SPAG17: variants seen among roughly 807,000 people sequenced by gnomAD.
The protein encoded by SPAG17 is sperm-associated antigen 17.
SPAG17 carries 169 observed loss-of-function variants against 273.6 expected under a neutral mutation model. That is an observed-to-expected ratio of 0.62 (90% confidence interval 0.55 to 0.70). The LOEUF (loss-of-function observed/expected upper bound fraction) is 0.70. Among genes scored for constraint, SPAG17 ranks in the 30% least tolerant of loss-of-function variants. The pLI, the probability that SPAG17 is intolerant of heterozygous loss-of-function variation, is 0.00. For synonymous variants in SPAG17, 825 were observed against 873.2 expected (o/e 0.94, Z 0.97); for missense variants, 2,557 against 2,627.8 (o/e 0.97, Z 0.59).
chr1:117,965,307 C>T (rs1334838981), intron 47 of SPAG17: 1 of 152,222 alleles, frequency 6.6e-6, no homozygotes, highest in Non-Finnish European at 1.5e-5. Context: ...CTGCTTTTGT[C>T]TCCACTGGCT....
At chr1:118,102,840 C>T (rs1309056182) in intron 4 of SPAG17, among the ~76,000 whole-genome samples, 1 of 152,124 alleles carries the variant, frequency 6.6e-6, no homozygotes. Flanking sequence ...GAATGTAACG[C>T]AGAAGGGGAG....
intron 3 of SPAG17, among the ~76,000 whole-genome samples, chr1:118,141,641 A>G (rs1399792594): frequency 6.6e-6 from 1 of 152,218 alleles, no homozygotes; most frequent in Non-Finnish European, 1.5e-5. Flanking sequence ...GTGACTGTGA[A>G]CAAATCATTT....
Position 118,051,915 on chromosome 1 carries a change from A to G in SPAG17, c.2814+2087T>C, listed in dbSNP as rs544845946. ...AATATAATATATAAACTATTATAAT[A>G]CATAAACTATTATAATATATATAAT... On this transcript the variant is annotated intron_variant, in intron 20 of 48. Transcript: ENST00000336338. Among the ~76,000 whole-genome samples the G allele has an allele frequency of 2.5e-3, 344 of 135,994 alleles. 14 individuals carry two copies. The highest frequency in any genetic ancestry group is 9.2e-3 in the African/African-American group (337 of 36,768). The allele number at this position is 135,994 out of a possible 152,430, so 89.2% of individuals were successfully genotyped here.
chr1:118,049,238 C>T (rs573154743), intron 20 of SPAG17, among the ~76,000 whole-genome samples: 4 of 152,284 alleles, frequency 2.6e-5, no homozygotes, highest in Admixed American at 6.5e-5. Context: ...CAACATTACC[C>T]TGATACCAAA....
intron 3 of SPAG17, among the ~76,000 whole-genome samples, chr1:118,132,952 T>C (rs1658137190): frequency 6.6e-6 from 1 of 152,066 alleles, no homozygotes; most frequent in Admixed American, 6.6e-5. Flanking sequence ...TTTGTATTTT[T>C]AGTAGAGATA....
At chr1:118,183,526 G>A (rs973321412) in intron 1 of SPAG17, among the ~76,000 whole-genome samples, 1 of 152,144 alleles carries the variant, frequency 6.6e-6, no homozygotes, top group Non-Finnish European at 1.5e-5. Flanking sequence ...ACTGTTTATA[G>A]TTAAAACTAC....
At chr1:118,034,040 C>A (rs1648787398) in intron 24 of SPAG17, among the ~76,000 whole-genome samples, 1 of 152,172 alleles carries the variant, frequency 6.6e-6, no homozygotes, top group African/African-American at 2.4e-5. Context: ...CAGCAAGTTG[C>A]TTGACCCACA....
chr1:118,012,404 G>A (rs995607993), intron 29 of SPAG17, 32 bp from the exon 30 acceptor site: 3 of 1,603,700 alleles, frequency 1.9e-6, no homozygotes, highest in South Asian at 1.1e-5. Context: ...ATAATCATTT[G>A]GCCACATGGT....
chr1:118,015,314 T>A (rs2101798523), intron 29 of SPAG17, among the ~76,000 whole-genome samples: 1 of 152,018 alleles, frequency 6.6e-6, no homozygotes, highest in East Asian at 1.9e-4. Context: ...GAAAGTGCTA[T>A]TGTTCATTCC....
intron 30 of SPAG17, among the ~76,000 whole-genome samples, chr1:118,012,003 A>G (rs1659520963): frequency 6.6e-6 from 1 of 152,062 alleles, no homozygotes; most frequent in African/African-American, 2.4e-5. Context: ...TTAAAAGAAT[A>G]AATTAAATTT....
intron 46 of SPAG17, among the ~76,000 whole-genome samples, chr1:117,968,980 C>T (rs2101478658): frequency 6.6e-6 from 1 of 152,226 alleles, no homozygotes; most frequent in Admixed American, 6.5e-5. Flanking sequence ...GCCCTGACCA[C>T]TTTAAATGGC....
At chr1:118,005,271 T>A (rs1398481548) in intron 32 of SPAG17, 143 bp downstream of exon 32, 2 of 595,904 alleles carry the variant, frequency 3.4e-6, no homozygotes, top group African/African-American at 3.8e-5. Flanking sequence ...TGACATTCAT[T>A]ACTGCTTGCC....
intron 11 of SPAG17, 35 bp from the exon 12 acceptor site, chr1:118,086,819 G>T: frequency 6.2e-7 from 1 of 1,613,994 alleles, no homozygotes; most frequent in Non-Finnish European, 8.5e-7. Context: ...TTTAAAGAGA[G>T]GATCTATACT....
intron 1 of SPAG17, among the ~76,000 whole-genome samples, chr1:118,153,950 G>A (rs552744761): frequency 6.6e-6 from 1 of 152,288 alleles, no homozygotes; most frequent in East Asian, 1.9e-4. Flanking sequence ...AAGGATCAAA[G>A]AGGTTAAAGA....
chr1:118,017,273 TCTC>T (rs2101809228), intron 28 of SPAG17, among the ~76,000 whole-genome samples: 1 of 152,312 alleles, frequency 6.6e-6, no homozygotes, highest in South Asian at 2.1e-4. Context: ...TCTCCCTTTT[TCTC>T]CTATTTCCCT....
chr1:118,030,765 A>G (rs997225250), intron 25 of SPAG17, among the ~76,000 whole-genome samples: 1 of 152,204 alleles, frequency 6.6e-6, no homozygotes, highest in African/African-American at 2.4e-5. Context: ...TGCAAAGGAC[A>G]TGAACTCATT....
chr1:118,044,863 C>G (rs954687332), intron 20 of SPAG17, among the ~76,000 whole-genome samples: 1 of 152,166 alleles, frequency 6.6e-6, no homozygotes, highest in African/African-American at 2.4e-5. Context: ...TTCCTGAGGC[C>G]TCTCCAGCCA....
At position 118,151,325 on chromosome 1, in the gene SPAG17, A is replaced by G; in HGVS notation, c.132T>C (p.Ile44=). 6 of 1,613,120 alleles carry G rather than the reference A, an allele frequency of 3.7e-6. No individual in the cohort carries two copies. The highest frequency in any genetic ancestry group is 5.1e-6 in the Non-Finnish European group (6 of 1,179,362). ...GGGCTTGGATGAGAAGATCATCTTCAATCTGGTTCCCAACCACAAAAGCAA... is the reference window on the plus strand; with the variant it reads ...GGGCTTGGATGAGAAGATCATCTTCGATCTGGTTCCCAACCACAAAAGCAA... ...ASIAFVVGNQ[I]EDDLLIQALT... The change falls in exon 2 of 49, where the codon ATT becomes ATC. Residue 44 remains isoleucine (I), a synonymous_variant. Transcript: ENST00000336338.
rs142118364 is a variant in SPAG17, at chr1:118,027,420, T to C, written c.3730+854A>G. Among the ~76,000 whole-genome samples, 7 of 152,330 alleles carry C rather than the reference T, an allele frequency of 4.6e-5. No homozygotes were observed. In the East Asian group the frequency reaches 1.2e-3, roughly 25 times the overall value. ...TTTGATACACTTTTCAAATGTGGTA[T>C]ACATAAGGGAATTATATAAAAGAGG... On this transcript the variant is annotated intron_variant, in intron 26 of 48. Transcript: ENST00000336338.
Sources: allele counts gnomAD v4.1 joint callset (sites outside exome capture counted in the v4.1 genomes callset), GRCh38; gene constraint gnomAD v4.1.1; transcripts MANE v1.5; gene names NCBI Gene and HGNC (gene_info 2026-07-23, HGNC 2026-07-21).